DNAJC16: variants seen among roughly 807,000 people sequenced by gnomAD.
DNAJC16 encodes DnaJ heat shock protein family (Hsp40) member C16, also known as dnaJ homolog subfamily C member 16.
DNAJC16 carries 76 observed loss-of-function variants against 92.7 expected under a neutral mutation model. That is an observed-to-expected ratio of 0.82 (90% CI 0.68 to 0.99). The LOEUF (loss-of-function observed/expected upper bound fraction) is 0.99. Ranked by LOEUF, DNAJC16 falls within the 50% of genes least tolerant of loss-of-function variation. The probability of loss-of-function intolerance (pLI) is 0.00; values close to 1 mark genes in which losing one functional copy is unlikely to be tolerated. For missense variants in DNAJC16, 869 were observed against 942.4 expected (o/e 0.92, Z 1.02); for synonymous variants, 328 against 358.7 (o/e 0.91, Z 0.97).
chr1:15,563,963 GGGTGGTGTATAAA>G lies in DNAJC16; in HGVS notation c.1374_1386del (p.Val459ProfsTer39). 1.9e-6 allele frequency: 3 copies of G among 1,614,196 alleles called. No homozygotes were observed. The highest frequency in any genetic ancestry group is 2.5e-6 in the Non-Finnish European group (3 of 1,180,032). ...TTAGAAAGGCGCAACACAGCAGGAA[GGGTGGTGTATAAA>G]ACCCTGGAAGACCCTTGGATTGGGA... On this transcript the variant is annotated frameshift_variant, in exon 10 of 15. Transcript: ENST00000375847. LOFTEE classifies it high-confidence loss of function.
In DNAJC16 at chr1:15,542,554, C is replaced by G. The variant is rs1024431367; in HGVS notation, c.575-1845C>G. On this transcript the variant is annotated intron_variant, in intron 4 of 14. Transcript: ENST00000375847. The stretch of plus-strand genomic sequence containing the variant: ...GTTCCCCTGAGTTCTGTGAGCAGCT[C>G]GAGCAAGTTAGTTGAACCCAAGGAG... 2.0e-5 allele frequency among the ~76,000 whole-genome samples: 3 copies of G among 152,176 alleles called. No individual in the cohort carries two copies. The South Asian group carries it at 6.2e-4, about 32-fold the overall frequency.
At chr1:15,537,807 C>T (rs1710829662) in intron 4 of DNAJC16, among the ~76,000 whole-genome samples, 2 of 152,182 alleles carry the variant, frequency 1.3e-5, no homozygotes. Flanking sequence ...CATTATTACA[C>T]TACCCATAAG....
intron 4 of DNAJC16, among the ~76,000 whole-genome samples, chr1:15,540,463 A>G (rs1361208931): frequency 6.6e-6 from 1 of 152,114 alleles, no homozygotes; most frequent in Non-Finnish European, 1.5e-5. Flanking sequence ...ACTTTTTTTT[A>G]GACTCATCAC....
rs1438246509 is a variant in DNAJC16, at chr1:15,536,573, C to T, written c.333C>T (p.Arg111=). The change falls in exon 4 of 15, where the codon CGC becomes CGT. Residue 111 remains arginine (R), a synonymous_variant. Coordinates refer to ENST00000375847, the MANE Select transcript of DNAJC16 (RefSeq NM_015291.4). ...AGCAGCAACAGCAGCGAGAGTATCG[C>T]TTCCGCCATTTCCATGAAAATTTTT... ...YQKQQQQREY[R]FRHFHENFYF... is the part of the protein sequence containing the mutation. 1.2e-6 allele frequency: 2 copies of T among 1,614,074 alleles called. No homozygotes were observed. Among genetic ancestry groups the T allele is most frequent in the African/African-American group, 2.7e-5 (2 of 74,918 alleles).
At chr1:15,539,618 C>T (rs1250373435) in intron 4 of DNAJC16, among the ~76,000 whole-genome samples, 1 of 151,922 alleles carries the variant, frequency 6.6e-6, no homozygotes, top group Non-Finnish European at 1.5e-5. Flanking sequence ...AATCATGGCT[C>T]ACTGCAACCT....
At chr1:15,528,612 A>G (rs1213695254) in intron 1 of DNAJC16, among the ~76,000 whole-genome samples, 6 of 152,176 alleles carry the variant, frequency 3.9e-5, no homozygotes, top group Admixed American at 2.0e-4. Flanking sequence ...GAATGCCACA[A>G]CTATCTCATT....
At position 15,569,018 on chromosome 1, in the gene DNAJC16, A is replaced by G. The variant is rs1199128544; in HGVS notation, c.*841A>G. ...TGCCTCTGTCGATTTTAGGGTATGG[A>G]TATTAGGAGCCATAACTTGTAATCT... On this transcript the variant is annotated 3_prime_UTR_variant, in exon 15 of 15. Coordinates refer to ENST00000375847, the MANE Select transcript of DNAJC16 (RefSeq NM_015291.4). 2.4e-5 allele frequency: 6 copies of G among 253,514 alleles called. No individual in the cohort carries two copies. The highest frequency in any genetic ancestry group is 4.5e-5 in the Non-Finnish European group (6 of 134,096). The allele number at this position is 253,514 out of a possible 1,614,324, so 15.7% of individuals were successfully genotyped here. A position where few individuals can be genotyped will look rare whatever the true frequency, so the allele number is the denominator to read the frequency against.
rs1475356174 is a variant in DNAJC16, at chr1:15,563,991, T to C, written c.1401T>C (p.Pro467=). The change falls in exon 10 of 15, where the codon CCT becomes CCC. Residue 467 remains proline (P), a synonymous_variant. Transcript: ENST00000375847. ...GRVVYKTLED[P]WIGSESDKFI... ...TGGTGTATAAAACCCTGGAAGACCC[T>C]TGGATTGGGAGTGAGAGTGACAAAT... 7 of 1,614,198 alleles carry C rather than the reference T, an allele frequency of 4.3e-6. No individual in the cohort carries two copies. Among genetic ancestry groups the C allele is most frequent in the Admixed American group, 3.3e-5 (2 of 60,010 alleles).
intron 7 of DNAJC16, among the ~76,000 whole-genome samples, chr1:15,554,629 T>C (rs1428773720): frequency 6.6e-6 from 1 of 151,454 alleles, no homozygotes; most frequent in African/African-American, 2.5e-5. Context: ...TGTTGGTCTT[T>C]TGTACTTTTT....
intron 2 of DNAJC16, among the ~76,000 whole-genome samples, chr1:15,532,543 A>C (rs559927867): frequency 2.0e-5 from 3 of 152,268 alleles, no homozygotes; most frequent in African/African-American, 7.2e-5. Flanking sequence ...AGCTGCCCTC[A>C]AGACTCTCTC....
intron 2 of DNAJC16, 147 bp from the exon 3 acceptor site, chr1:15,534,090 T>G (rs1710723521): frequency 2.8e-6 from 2 of 719,544 alleles, no homozygotes; most frequent in Admixed American, 6.1e-5. Context: ...GTAAAACAAC[T>G]GATTGCCTCT....
At chr1:15,543,175 T>A (rs1710972832) in intron 4 of DNAJC16, among the ~76,000 whole-genome samples, 1 of 152,158 alleles carries the variant, frequency 6.6e-6, no homozygotes, top group Admixed American at 6.6e-5. Flanking sequence ...AATAAACAAT[T>A]GACAGAAGGA....
At position 15,562,202 on chromosome 1, in the gene DNAJC16, C is replaced by T. The variant is rs759040953; in HGVS notation, c.1215C>T (p.Phe405=). Residue 405 remains phenylalanine, a synonymous_variant, in exon 9 of 15, where the codon TTC becomes TTT. Coordinates refer to ENST00000375847, the MANE Select transcript of DNAJC16 (RefSeq NM_015291.4). ...TTKLSKPFEA[F]LSFALANTQD... is the part of the protein sequence containing the mutation. ...AGTTGAGCAAACCCTTTGAGGCTTT[C>T]CTGTCCTTTGCCCTGGCAAACACTC... 3 of 1,613,976 alleles carry T rather than the reference C, an allele frequency of 1.9e-6. No individual in the cohort carries two copies. Among genetic ancestry groups the T allele is most frequent in the African/African-American group, 2.7e-5 (2 of 74,916 alleles).
In DNAJC16 at chr1:15,568,252, AACTACCACAATGAAC is replaced by A; in HGVS notation, c.*77_*91del. 8.2e-7 allele frequency: 1 copy of A among 1,218,736 alleles called. No individual in the cohort carries two copies. Among genetic ancestry groups the A allele is most frequent in the South Asian group, 1.4e-5 (1 of 69,182 alleles). The allele number at this position is 1,218,736 out of a possible 1,614,324, so 75.5% of individuals were successfully genotyped here. The stretch of plus-strand genomic sequence containing the variant: ...TGTGAACAGGTATTTTCAGGACTCA[AACTACCACAATGAAC>A]AGAGTATAGATTTTAGATTGCTCTT... On this transcript the variant is annotated 3_prime_UTR_variant, in exon 15 of 15. Coordinates refer to ENST00000375847, the MANE Select transcript of DNAJC16 (RefSeq NM_015291.4).
chr1:15,536,395 C>A, intron 3 of DNAJC16, 80 bp from the exon 4 acceptor site: 1 of 1,187,662 alleles, frequency 8.4e-7, no homozygotes, highest in Non-Finnish European at 1.2e-6. Context: ...TATTTTCTTC[C>A]TATGTCTTTC....
At chr1:15,563,751 G>A (rs1638744774) in intron 9 of DNAJC16, among the ~76,000 whole-genome samples, 178 bp from the exon 10 acceptor site, 1 of 148,992 alleles carries the variant, frequency 6.7e-6, no homozygotes, top group African/African-American at 2.5e-5. Context: ...TGGGAAGGCT[G>A]AGCCAGGAGA....
Position 15,552,770 on chromosome 1 carries a change from A to AT in DNAJC16, c.1023+4356dup, listed in dbSNP as rs1275264353. On this transcript the variant is annotated intron_variant, in intron 7 of 14. Coordinates refer to ENST00000375847, the MANE Select transcript of DNAJC16 (RefSeq NM_015291.4). ...ATGTGTCTTTTTATTATTATTATTT[A>AT]TTTTTTTTTTTTTTGGAGACACAGT... Among the ~76,000 whole-genome samples the AT allele has an allele frequency of 7.4e-3, 1,036 of 140,392 alleles. 11 individuals are homozygous for AT. Among genetic ancestry groups the AT allele is most frequent in the African/African-American group, 0.015 (553 of 37,492 alleles). 92.1% of individuals were successfully genotyped at this position (140,392 alleles called of 152,430 possible).
At chr1:15,551,739 G>A (rs981967389) in intron 7 of DNAJC16, among the ~76,000 whole-genome samples, 7 of 151,598 alleles carry the variant, frequency 4.6e-5, no homozygotes, top group Admixed American at 6.6e-5. Flanking sequence ...TCAGTCTCCC[G>A]AGCAGCTGAG....
In DNAJC16 at chr1:15,544,464, A is replaced by G. The variant is rs1489241640; in HGVS notation, c.640A>G (p.Ser214Gly). 2 of 1,614,070 alleles carry G rather than the reference A, an allele frequency of 1.2e-6. No individual in the cohort carries two copies. The highest frequency in any genetic ancestry group is 1.7e-6 in the Non-Finnish European group (2 of 1,180,034). ...RRLAHHLGAH[S>G]TPSILGIING... is the part of the protein sequence containing the mutation. ...CCTGGCCCATCACCTAGGGGCACAC[A>G]GCACGCCCTCTATCCTAGGAATCAT... is the stretch of plus-strand genomic sequence containing the variant. The change falls in exon 5 of 15, where the codon AGC (serine) becomes GGC (glycine). Residue 214 changes from serine to glycine, a missense_variant. Ser to Gly is a moderately conservative substitution (Grantham distance 56). Coordinates refer to ENST00000375847, the MANE Select transcript of DNAJC16 (RefSeq NM_015291.4).
Sources: allele counts gnomAD v4.1 joint callset (sites outside exome capture counted in the v4.1 genomes callset), GRCh38; gene constraint gnomAD v4.1.1; transcripts MANE v1.5; gene names NCBI Gene and HGNC (gene_info 2026-07-23, HGNC 2026-07-21).